The following RBPMS variants were observed in gnomAD, a reference collection of about 807,000 sequenced individuals.
RBPMS encodes RNA-binding protein with multiple splicing.
Under a neutral mutation model 26.8 loss-of-function variants are expected in RBPMS, and 7 were observed. The observed-to-expected ratio is 0.26, with a 90% CI of 0.15 to 0.49. RBPMS has a LOEUF of 0.49. Ranked by LOEUF, RBPMS falls within the 20% of genes least tolerant of loss-of-function variation. The pLI is 0.98. For synonymous variants in RBPMS, 96 were observed against 93.3 expected (o/e 1.03, Z -0.17); for missense variants, 186 against 250.0 (o/e 0.74, Z 1.73).
intron 4 of RBPMS, among the ~76,000 whole-genome samples, chr8:30,485,558 A>G (rs1818685981): frequency 6.6e-6 from 1 of 152,240 alleles, no homozygotes; most frequent in Admixed American, 6.5e-5. Context: ...TAAGGCAGCC[A>G]TTTGACGTCA....
chr8:30,472,842 G>C (rs182862893), intron 1 of RBPMS, among the ~76,000 whole-genome samples: 2 of 152,136 alleles, frequency 1.3e-5, no homozygotes, highest in Non-Finnish European at 2.9e-5. Context: ...GTGGGAGGCC[G>C]AGATGGGAGG....
chr8:30,561,469 T>C (rs1827477076), intron 7 of RBPMS, among the ~76,000 whole-genome samples: 1 of 152,102 alleles, frequency 6.6e-6, no homozygotes, highest in Admixed American at 6.5e-5. Context: ...GGTGTTCAGC[T>C]AGAGGTGCCG....
chr8:30,423,527 T>C (rs930610708), intron 1 of RBPMS, among the ~76,000 whole-genome samples: 1 of 152,076 alleles, frequency 6.6e-6, no homozygotes, highest in East Asian at 1.9e-4. Flanking sequence ...GGGCCATCTA[T>C]TGTAGGAGTA....
chr8:30,545,032 G>A, intron 6 of RBPMS: 1 of 1,417,774 alleles, frequency 7.1e-7, no homozygotes. Flanking sequence ...GTGTTTCTGT[G>A]TGTTGAGAGT....
intron 4 of RBPMS, among the ~76,000 whole-genome samples, chr8:30,499,929 C>T (rs1245914093): frequency 1.3e-5 from 2 of 151,332 alleles, no homozygotes; most frequent in Non-Finnish European, 2.9e-5. Context: ...GAAATGCTAA[C>T]ATCTAAGAAA....
intron 5 of RBPMS, among the ~76,000 whole-genome samples, chr8:30,541,065 C>G (rs1825338689): frequency 6.6e-6 from 1 of 152,140 alleles, no homozygotes; most frequent in African/African-American, 2.4e-5. Flanking sequence ...GTTCTTAAAC[C>G]TTGTGTTACC....
chr8:30,494,533 A>G (rs533753926), intron 4 of RBPMS, among the ~76,000 whole-genome samples: 1 of 152,366 alleles, frequency 6.6e-6, no homozygotes, highest in South Asian at 2.1e-4. Flanking sequence ...CAGAAAGGTT[A>G]AACAGTATAT....
chr8:30,387,654 A>C (rs952460094), intron 1 of RBPMS, among the ~76,000 whole-genome samples: 1 of 152,226 alleles, frequency 6.6e-6, no homozygotes, highest in Non-Finnish European at 1.5e-5. Flanking sequence ...TAGCCATTGA[A>C]CTGACATGGA....
intron 1 of RBPMS, among the ~76,000 whole-genome samples, chr8:30,473,367 G>A (rs1164143456): frequency 6.6e-6 from 1 of 152,056 alleles, no homozygotes; most frequent in Non-Finnish European, 1.5e-5. Context: ...CCTGTGTTCT[G>A]TGTTTTAGTA....
chr8:30,453,286 C>G (rs1814810804), intron 1 of RBPMS, among the ~76,000 whole-genome samples: 1 of 152,196 alleles, frequency 6.6e-6, no homozygotes, highest in Admixed American at 6.5e-5. Context: ...AATGCAGAAT[C>G]TCAGCCCCCA....
At chr8:30,537,494 G>A (rs552290000) in intron 5 of RBPMS, 3 of 452,528 alleles carry the variant, frequency 6.6e-6, no homozygotes, top group Admixed American at 4.7e-5. Flanking sequence ...CTGAGAACCC[G>A]CATTTGGGTA....
intron 8 of RBPMS, among the ~76,000 whole-genome samples, chr8:30,566,882 C>G (rs1036163038): frequency 2.6e-5 from 4 of 152,078 alleles, no homozygotes; most frequent in African/African-American, 9.7e-5. Context: ...ATTAATTTCT[C>G]CAGACTGTGG....
intron 5 of RBPMS, among the ~76,000 whole-genome samples, chr8:30,530,713 C>T (rs575892913): frequency 1.3e-5 from 2 of 152,306 alleles, no homozygotes; most frequent in Non-Finnish European, 2.9e-5. Flanking sequence ...CCGCCTGCCT[C>T]GGCCTCCCAA....
intron 5 of RBPMS, among the ~76,000 whole-genome samples, chr8:30,521,388 C>T (rs774338581): frequency 1.6e-4 from 25 of 152,160 alleles, no homozygotes; most frequent in Non-Finnish European, 2.4e-4. Flanking sequence ...GGTTTATTGA[C>T]GTTTTCCCCA....
At chr8:30,436,854 T>C (rs970629703) in intron 1 of RBPMS, among the ~76,000 whole-genome samples, 1 of 152,172 alleles carries the variant, frequency 6.6e-6, no homozygotes, top group African/African-American at 2.4e-5. Flanking sequence ...ACGTAATAAA[T>C]ATTTCCTGAC....
intron 5 of RBPMS, among the ~76,000 whole-genome samples, chr8:30,513,587 CAAA>C (rs56184994): frequency 2.8e-5 from 3 of 108,520 alleles, no homozygotes; most frequent in South Asian, 3.5e-4. Flanking sequence ...GACTCCATCT[CAAA>C]AAAAAAAAAA....
chr8:30,511,475 AAAAAAAAAAAAATATAT>A (rs1383552496), intron 5 of RBPMS, among the ~76,000 whole-genome samples: 1 of 6,058 alleles, frequency 1.7e-4, no homozygotes, highest in African/African-American at 5.7e-4. Flanking sequence ...AAAAAAGAAA[AAAAAAAAAAAAATATAT>A]ATATATATAT....
chr8:30,469,684 G>T (rs1356344218), intron 1 of RBPMS, among the ~76,000 whole-genome samples: 1 of 152,216 alleles, frequency 6.6e-6, no homozygotes, highest in East Asian at 1.9e-4. Flanking sequence ...AAGGCATAGT[G>T]CCAGGCACAT....
chr8:30,534,787 G>GC, intron 5 of RBPMS, among the ~76,000 whole-genome samples: 2 of 2 alleles, frequency 1, 1 homozygote, highest in Non-Finnish European at 1. Context: ...TTGGGAGGCC[G>GC]AGGCGGGTGG....
Sources: gnomAD v4.1 joint callset for allele counts (sites outside exome capture counted in the v4.1 genomes callset) on GRCh38, gnomAD v4.1.1 for gene constraint, MANE v1.5 for transcripts, NCBI Gene and HGNC (gene_info 2026-07-23, HGNC 2026-07-21) for gene names.